Variants in ADAMTSL1 observed in about 807,000 individuals in gnomAD.
ADAMTSL1 encodes the protein ADAMTS like 1, also known as ADAMTS-like protein 1.
Under a neutral mutation model 201.8 loss-of-function variants are expected in ADAMTSL1, and 126 were observed. That is an observed-to-expected ratio of 0.62 (90% CI 0.54 to 0.72). The LOEUF is 0.72. ADAMTSL1 is among the 30% of genes least tolerant of loss of function. ADAMTSL1 has a pLI of 0.00. For synonymous variants in ADAMTSL1, 1,121 were observed against 903.4 expected, an observed-to-expected ratio of 1.24 and a Z score of -4.32; for missense variants, 2,679 against 2,277.8, an observed-to-expected ratio of 1.18 and a Z score of -3.59.
At chr9:18,528,459 T>C (rs1466226408) in intron 2 of ADAMTSL1, among the ~76,000 whole-genome samples, 2 of 152,162 alleles carry the variant, frequency 1.3e-5, no homozygotes, top group African/African-American at 2.4e-5. Flanking sequence ...GTAAGTGAGA[T>C]TGATTTTCTG....
chr9:18,695,136 C>G (rs1165697334), intron 13 of ADAMTSL1, among the ~76,000 whole-genome samples: 1 of 152,220 alleles, frequency 6.6e-6, no homozygotes, highest in Non-Finnish European at 1.5e-5. Flanking sequence ...CTGGGCCTGG[C>G]CCATAAAACC....
At chr9:18,711,973 C>A (rs1460805697) in intron 14 of ADAMTSL1, among the ~76,000 whole-genome samples, 2 of 152,168 alleles carry the variant, frequency 1.3e-5, no homozygotes, top group African/African-American at 4.8e-5. Flanking sequence ...GGAGGCACCC[C>A]CCAGCAGGGG....
intron 2 of ADAMTSL1, among the ~76,000 whole-genome samples, chr9:18,430,034 C>T (rs1013538897): frequency 6.6e-6 from 1 of 152,102 alleles, no homozygotes; most frequent in African/African-American, 2.4e-5. Context: ...AGGTGATCCA[C>T]CCATGTCAGC....
At chr9:18,627,844 C>T (rs1296746427) in intron 5 of ADAMTSL1, among the ~76,000 whole-genome samples, 1 of 152,126 alleles carries the variant, frequency 6.6e-6, no homozygotes, top group Non-Finnish European at 1.5e-5. Flanking sequence ...ACATATTTGG[C>T]AGGGGAGAGG....
chr9:18,828,697 A>ATG (rs1229290689), intron 22 of ADAMTSL1, among the ~76,000 whole-genome samples: 3,420 of 40,864 alleles, frequency 0.084, 123 homozygotes, highest in South Asian at 0.14. Context: ...TATATATAAA[A>ATG]TGTGTGTGTG....
chr9:18,529,935 T>C (rs1435337792), intron 2 of ADAMTSL1, among the ~76,000 whole-genome samples: 2 of 152,196 alleles, frequency 1.3e-5, no homozygotes, highest in Non-Finnish European at 2.9e-5. Context: ...TTGTTTTGCT[T>C]TTCCTAAATA....
At chr9:18,681,695 T>TGA (rs201108118) in intron 11 of ADAMTSL1, 117 bp from the exon 12 acceptor site, 15,758 of 285,022 alleles carry the variant, frequency 0.055, 310 homozygotes, top group African/African-American at 0.097. Flanking sequence ...GGAGTCCTCG[T>TGA]GTGGGGGGGG....
intron 2 of ADAMTSL1, among the ~76,000 whole-genome samples, chr9:18,450,390 C>T (rs1820357903): frequency 6.6e-6 from 1 of 152,054 alleles, no homozygotes; most frequent in African/African-American, 2.4e-5. Flanking sequence ...AAAAAACACA[C>T]TTTATAGGTA....
In ADAMTSL1 at chr9:17,955,030, T is replaced by A. The variant is rs560872799; in HGVS notation, c.87+48108T>A. 1.2e-4 allele frequency among the ~76,000 whole-genome samples: 19 copies of A among 152,190 alleles called. No homozygotes were observed. The East Asian group carries it at 3.5e-3, about 28-fold the overall frequency. ...AAACGGATGTGGCCCCAGTTAAAAATAATGAAGAATGAGGTAAATGTACAC... is the reference window on the plus strand; with the variant it reads ...AAACGGATGTGGCCCCAGTTAAAAAAAATGAAGAATGAGGTAAATGTACAC... On this transcript the variant is annotated intron_variant, in intron 1 of 29. Transcript: ENST00000680146.
chr9:18,576,932 T>A (rs1934932), intron 4 of ADAMTSL1, among the ~76,000 whole-genome samples: 101,021 of 151,702 alleles, frequency 0.67, 34,005 homozygotes, highest in East Asian at 0.82. Context: ...GCCCAGAGAC[T>A]CCCAGCTCTG....
In ADAMTSL1 at chr9:18,829,958, T is replaced by C. The variant is rs779567971; in HGVS notation, c.4230T>C (p.Pro1410=). The stretch of plus-strand genomic sequence containing the variant: ...TGGGAACACAGCTGGTCCTGGATCC[T>C]GGGAATTCTGCTCTCCTTGGTGAGT... ...SPLGTQLVLD[P]GNSALLGCPI... Residue 1410 remains proline, a synonymous_variant, in exon 23 of 29, where the codon CCT becomes CCC. Coordinates refer to ENST00000380548, the MANE Select transcript of ADAMTSL1 (RefSeq NM_001040272.6). 1.9e-6 allele frequency: 3 copies of C among 1,612,112 alleles called. No individual in the cohort carries two copies. Among genetic ancestry groups the C allele is most frequent in the African/African-American group, 2.7e-5 (2 of 74,870 alleles).
chr9:18,560,619 G>A (rs984512399), intron 3 of ADAMTSL1, among the ~76,000 whole-genome samples: 3 of 151,362 alleles, frequency 2.0e-5, no homozygotes, highest in African/African-American at 7.3e-5. Flanking sequence ...GGTAGAATTC[G>A]GCTGTGGTCT....
intron 1 of ADAMTSL1, among the ~76,000 whole-genome samples, chr9:18,142,630 C>G (rs923580960): frequency 6.6e-6 from 1 of 152,168 alleles, no homozygotes; most frequent in Non-Finnish European, 1.5e-5. Flanking sequence ...AGTTCCACAT[C>G]TAGCAAGAGG....
At chr9:18,399,282 T>TATATATATATATATATATATATAC (rs1817872901) in intron 2 of ADAMTSL1, among the ~76,000 whole-genome samples, 1 of 19,232 alleles carries the variant, frequency 5.2e-5, no homozygotes, top group African/African-American at 2.8e-4. Context: ...CTGCTTTACA[T>TATATATATATATATATATATATAC]ATATATATAT....
chr9:18,061,911 G>A (rs1321444415), intron 1 of ADAMTSL1, among the ~76,000 whole-genome samples: 1 of 152,190 alleles, frequency 6.6e-6, no homozygotes, highest in Admixed American at 6.5e-5. Flanking sequence ...AAATGATTGA[G>A]CATTTGTGCA....
At chr9:18,106,796 C>G (rs1207117065) in intron 1 of ADAMTSL1, among the ~76,000 whole-genome samples, 2 of 152,126 alleles carry the variant, frequency 1.3e-5, no homozygotes, top group Non-Finnish European at 2.9e-5. Context: ...TGAGTTGCAT[C>G]TTTTAGATGA....
At chr9:18,635,711 C>G (rs1489138266) in intron 5 of ADAMTSL1, among the ~76,000 whole-genome samples, 1 of 152,038 alleles carries the variant, frequency 6.6e-6, no homozygotes, top group Non-Finnish European at 1.5e-5. Context: ...ATCAAAATTC[C>G]TATTTTTTAA....
chr9:18,462,557 A>G (rs967400873), intron 2 of ADAMTSL1, among the ~76,000 whole-genome samples: 2 of 152,232 alleles, frequency 1.3e-5, no homozygotes, highest in African/African-American at 4.8e-5. Context: ...GAAAAGTCCA[A>G]TTCAGGGTGA....
intron 2 of ADAMTSL1, among the ~76,000 whole-genome samples, chr9:18,271,774 C>T (rs886739248): frequency 2.1e-4 from 32 of 152,102 alleles, no homozygotes; most frequent in East Asian, 1.4e-3. Context: ...ATGGTTGAAC[C>T]AGTTTACACT....
Sources: gnomAD v4.1 joint callset for allele counts (sites outside exome capture counted in the v4.1 genomes callset) on GRCh38, gnomAD v4.1.1 for gene constraint, MANE v1.5 for transcripts, NCBI Gene and HGNC (gene_info 2026-07-23, HGNC 2026-07-21) for gene names.